Variants in PIN4 observed in about 807,000 individuals in gnomAD.
PIN4 encodes the protein peptidyl-prolyl cis-trans isomerase NIMA-interacting 4.
In PIN4, 3 loss-of-function variants were observed where a neutral mutation model predicts 8.3. The observed-to-expected ratio is 0.36, with a 90% CI of 0.16 to 0.93. The LOEUF is 0.93. Among genes scored for constraint, PIN4 ranks in the 40% least tolerant of loss-of-function variants. The pLI is 0.44. For synonymous variants in PIN4, 18 were observed against 32.5 expected, an observed-to-expected ratio of 0.55 and a Z score of 1.52; for missense variants, 75 against 100.6, an observed-to-expected ratio of 0.75 and a Z score of 1.09.
intron 3 of PIN4, among the ~76,000 whole-genome samples, chrX:72,233,035 A>C (rs926082785): frequency 9.0e-6 from 1 of 111,492 alleles, no homozygotes; most frequent in Admixed American, 9.6e-5. Context: ...AGCTATCCTG[A>C]ACGTATTACT....
chrX:72,189,592 C>A (rs1225013957), intron 2 of PIN4, among the ~76,000 whole-genome samples: 1 of 111,623 alleles, frequency 9.0e-6, no homozygotes, highest in East Asian at 2.8e-4. Context: ...TCCAAAAATA[C>A]AAAATACAAA....
At chrX:72,192,398 A>T (rs1326608341) in intron 2 of PIN4, among the ~76,000 whole-genome samples, 4 of 109,830 alleles carry the variant, frequency 3.6e-5, no homozygotes, top group Non-Finnish European at 7.6e-5. Flanking sequence ...CTGCACTTAA[A>T]CTCTTCTGAA....
At chrX:72,243,891 G>A (rs1346237587) in intron 3 of PIN4, among the ~76,000 whole-genome samples, 2 of 112,343 alleles carry the variant, frequency 1.8e-5, no homozygotes, top group Non-Finnish European at 3.8e-5. Flanking sequence ...AGGAAACTGA[G>A]GCACAGAAAG....
At chrX:72,189,121 C>T (rs1390767410) in intron 2 of PIN4, among the ~76,000 whole-genome samples, 3 of 110,724 alleles carry the variant, frequency 2.7e-5, no homozygotes, top group African/African-American at 9.9e-5. Flanking sequence ...GTCAGGATCA[C>T]GCCACTGCAC....
chrX:72,255,584 C>G (rs1362832240), intron 3 of PIN4: 3 of 111,299 alleles, frequency 2.7e-5, no homozygotes, highest in Non-Finnish European at 3.8e-5. Flanking sequence ...CCCGGCGGCG[C>G]CCGGCCGTTG....
At chrX:72,216,254 C>A (rs1009315023) in intron 3 of PIN4, among the ~76,000 whole-genome samples, 1 of 107,802 alleles carries the variant, frequency 9.3e-6, no homozygotes, top group South Asian at 4.2e-4. Context: ...AATGGAGTGA[C>A]GCATCTACAA....
At chrX:72,194,892 G>A (rs1221304248) in intron 2 of PIN4, among the ~76,000 whole-genome samples, 6 of 110,436 alleles carry the variant, frequency 5.4e-5, no homozygotes, top group Non-Finnish European at 1.1e-4. Flanking sequence ...CCTTTTCTAT[G>A]TTTAGATACC....
intron 3 of PIN4, among the ~76,000 whole-genome samples, chrX:72,261,531 T>C (rs186078743): frequency 3.6e-5 from 4 of 111,563 alleles, no homozygotes; most frequent in East Asian, 2.8e-4. Flanking sequence ...TTTAACATCT[T>C]GAATCTTCAA....
At chrX:72,263,527 C>T (rs749998776) in exon 4 of PIN4, 2 of 111,925 alleles carry the variant, frequency 1.8e-5, no homozygotes, top group East Asian at 5.6e-4. Flanking sequence ...CTACTGTTGT[C>T]TTTCTATTGA....
chrX:72,219,002 T>TCCCAGC (rs1297180305), intron 3 of PIN4, among the ~76,000 whole-genome samples: 3 of 112,866 alleles, frequency 2.7e-5, no homozygotes, highest in African/African-American at 9.7e-5. Context: ...ACGCCTGTGA[T>TCCCAGC]CCCAGCACTT....
chrX:72,200,094 A>T (rs912539630), downstream of PIN4, among the ~76,000 whole-genome samples: 1 of 107,680 alleles, frequency 9.3e-6, no homozygotes, highest in Non-Finnish European at 1.9e-5. Flanking sequence ...TCAACCTGGG[A>T]GGTGGAGGTT....
intron 3 of PIN4, among the ~76,000 whole-genome samples, chrX:72,225,263 C>T (rs1376139352): frequency 8.9e-6 from 1 of 112,160 alleles, no homozygotes; most frequent in Non-Finnish European, 1.9e-5. Context: ...CCTGGACTGT[C>T]CTCCCCCAGG....
chrX:72,196,635 T>G lies in PIN4; in HGVS notation c.118-150T>G, dbSNP rs1340645495. 13 of 427,123 alleles carry G rather than the reference T, an allele frequency of 3.0e-5. No homozygotes were observed. In the Admixed American group the frequency reaches 3.6e-4, roughly 12 times the overall value. 35.2% of individuals were successfully genotyped at this position (427,123 alleles called of 1,213,427 possible). ...TTAATATGGGGAATGGGATTGTGGT[T>G]GTTGTCCTGGGCAAACTTCCAGGAT... On this transcript the variant is annotated intron_variant, in intron 2 of 3. Transcript: ENST00000373669.
rs755380451 is a variant in PIN4, at chrX:72,204,257, T to C, written c.312+7353T>C. On this transcript the variant is annotated intron_variant, in intron 3 of 3. Coordinates refer to the PIN4 transcript ENST00000423432. ...TCATACACACATTATATACATAGTC[T>C]GAAGGTAATTTTATAATTACTTTTA... 2.0e-3 allele frequency among the ~76,000 whole-genome samples: 226 copies of C among 112,774 alleles called. 1 individual carries two copies. The highest frequency in any genetic ancestry group is 7.0e-3 in the African/African-American group (219 of 31,107).
intron 3 of PIN4, chrX:72,205,089 C>G (rs961551484): frequency 8.3e-7 from 1 of 1,210,972 alleles, no homozygotes; most frequent in Admixed American, 2.2e-5. Context: ...TTATGTCAAG[C>G]GCTTTAACTA....
At chrX:72,191,827 C>G (rs1271434904) in intron 2 of PIN4, among the ~76,000 whole-genome samples, 2 of 111,503 alleles carry the variant, frequency 1.8e-5, no homozygotes, top group Admixed American at 9.5e-5. Flanking sequence ...GAATACCAAA[C>G]CTTGCTCCTT....
At chrX:72,215,452 G>C (rs761328399) in intron 3 of PIN4, among the ~76,000 whole-genome samples, 1 of 111,948 alleles carries the variant, frequency 8.9e-6, no homozygotes, top group South Asian at 3.7e-4. Flanking sequence ...TGTTTAGGGG[G>C]AAGTACCCTG....
chrX:72,246,700 C>T (rs764395565), intron 3 of PIN4, among the ~76,000 whole-genome samples: 8 of 111,843 alleles, frequency 7.2e-5, no homozygotes, highest in African/African-American at 1.9e-4. Context: ...CATGCAGTTT[C>T]CTCTGCCTGG....
intron 3 of PIN4, chrX:72,238,926 G>A: frequency 8.5e-7 from 1 of 1,182,614 alleles, no homozygotes. Flanking sequence ...CTCGGATTGG[G>A]TTCCAGTTAC....
Sources: allele counts gnomAD v4.1 joint callset (sites outside exome capture counted in the v4.1 genomes callset), GRCh38; gene constraint gnomAD v4.1.1; transcripts MANE v1.5; gene names NCBI Gene and HGNC (gene_info 2026-07-23, HGNC 2026-07-21).